Variants in PHACTR1 observed in about 807,000 individuals in gnomAD.
PHACTR1 encodes the protein RPEL repeat containing 1.
Under a neutral mutation model 69.2 loss-of-function variants are expected in PHACTR1, and 16 were observed. That is an observed-to-expected ratio of 0.23 (90% CI 0.16 to 0.35). The LOEUF (loss-of-function observed/expected upper bound fraction) is 0.35, where lower values mean the gene tolerates loss of function less well. Ranked by LOEUF, PHACTR1 falls within the 10% of genes least tolerant of loss-of-function variation. The pLI is 1.00. For synonymous variants in PHACTR1, 312 were observed against 284.5 expected, an observed-to-expected ratio of 1.10 and a Z score of -0.97; for missense variants, 510 against 734.7, an observed-to-expected ratio of 0.69 and a Z score of 3.54.
rs1761809503 is a variant in PHACTR1, at chr6:13,179,127, T to C, written c.497-3392T>C. On this transcript the variant is annotated intron_variant, in intron 6 of 14. Coordinates refer to ENST00000332995, the MANE Select transcript of PHACTR1 (RefSeq NM_030948.6). The surrounding 1 kb of genome is among the most constrained non-coding windows in gnomAD (Gnocchi z 4.2). ...GGTGTGGGCCTGTGGTCCCAGCTAC[T>C]CTGGGGGCTGAGGTGAGAGTATCAC... Among the ~76,000 whole-genome samples, 1 of 151,990 alleles carries C rather than the reference T, an allele frequency of 6.6e-6. No individual in the cohort carries two copies. The highest frequency in any genetic ancestry group is 6.6e-5 in the Admixed American group (1 of 15,246).
chr6:12,737,739 C>T (rs1025976795), intron 3 of PHACTR1, among the ~76,000 whole-genome samples: 5 of 151,844 alleles, frequency 3.3e-5, no homozygotes, highest in East Asian at 1.9e-4. Flanking sequence ...GGACTACAGG[C>T]GTGTGCCACC....
At chr6:13,062,101 C>G (rs545047478) in intron 5 of PHACTR1, among the ~76,000 whole-genome samples, 1 of 152,220 alleles carries the variant, frequency 6.6e-6, no homozygotes, top group African/African-American at 2.4e-5. Flanking sequence ...AGGGCTGGGC[C>G]GGAAATATGT....
chr6:12,743,545 C>T (rs543252559), intron 3 of PHACTR1, among the ~76,000 whole-genome samples: 2 of 152,166 alleles, frequency 1.3e-5, no homozygotes, highest in East Asian at 3.9e-4. Flanking sequence ...CCTAGATAAC[C>T]TGGGGCTGCT....
intron 4 of PHACTR1, among the ~76,000 whole-genome samples, chr6:13,029,378 G>A (rs111474972): frequency 4.6e-5 from 7 of 152,172 alleles, no homozygotes; most frequent in Non-Finnish European, 7.3e-5. Flanking sequence ...AGCATCAGCC[G>A]TGCAGAAGGG....
At chr6:13,076,025 A>ATTTTTTTTTT (rs1449439163) in intron 5 of PHACTR1, among the ~76,000 whole-genome samples, 1 of 115,550 alleles carries the variant, frequency 8.7e-6, no homozygotes. Context: ...GCAAGGGAGC[A>ATTTTTTTTTT]TCTTTTTTTT....
intron 4 of PHACTR1, among the ~76,000 whole-genome samples, chr6:12,954,200 G>A (rs182287561): frequency 6.6e-6 from 1 of 152,094 alleles, no homozygotes; most frequent in African/African-American, 2.4e-5. Flanking sequence ...GTAGACTAGG[G>A]TAAATTCAAA....
rs1433072115 is a variant in PHACTR1 at position 12,797,038 on chromosome 6, T to TGAGA, written c.250+47249_250+47250insAGAG. Among the ~76,000 whole-genome samples the TGAGA allele has an allele frequency of 3.2e-3, 386 of 121,714 alleles. 1 individual carries two copies. The highest frequency in any genetic ancestry group is 9.4e-3 in the African/African-American group (313 of 33,262). 79.8% of individuals were successfully genotyped at this position (121,714 alleles called of 152,430 possible). ...GTGTGTGTGTGTGTGTGTGTGTGTG[T>TGAGA]GTGAGAGAGAGAGAGAGAGGGATAT... On this transcript the variant is annotated intron_variant, in intron 4 of 14. Coordinates refer to ENST00000332995, the MANE Select transcript of PHACTR1 (RefSeq NM_030948.6).
intron 4 of PHACTR1, among the ~76,000 whole-genome samples, chr6:12,965,169 T>C (rs1793283848): frequency 6.6e-6 from 1 of 152,232 alleles, no homozygotes; most frequent in African/African-American, 2.4e-5. Context: ...TGTATTGTGA[T>C]TTTTTATTTT....
chr6:12,730,034 T>C (rs1444214307), intron 3 of PHACTR1, among the ~76,000 whole-genome samples: 1 of 152,118 alleles, frequency 6.6e-6, no homozygotes, highest in Non-Finnish European at 1.5e-5. Flanking sequence ...TAAAGCATAT[T>C]GAGTTTGGAG....
At chr6:12,851,618 C>T (rs754333021) in intron 4 of PHACTR1, among the ~76,000 whole-genome samples, 12 of 152,266 alleles carry the variant, frequency 7.9e-5, no homozygotes, top group East Asian at 3.9e-4. Flanking sequence ...ATTACACAGA[C>T]GTCACATGCT....
At chr6:12,993,907 A>G (rs1797104759) in intron 4 of PHACTR1, among the ~76,000 whole-genome samples, 1 of 152,228 alleles carries the variant, frequency 6.6e-6, no homozygotes, top group African/African-American at 2.4e-5. Context: ...ACTCACAATG[A>G]AAAATCTCCA....
At chr6:12,758,448 A>G (rs1227890984) in intron 4 of PHACTR1, among the ~76,000 whole-genome samples, 4 of 147,430 alleles carry the variant, frequency 2.7e-5, no homozygotes, top group Non-Finnish European at 4.5e-5. Flanking sequence ...CCTGGGTGAA[A>G]GAGCGAGACT....
chr6:12,741,370 T>C (rs1048107219), intron 3 of PHACTR1, among the ~76,000 whole-genome samples: 5 of 152,060 alleles, frequency 3.3e-5, no homozygotes, highest in African/African-American at 1.2e-4. Flanking sequence ...TTTAATAATA[T>C]TTTGTTATTA....
chr6:12,849,084 T>G (rs1189099423), intron 4 of PHACTR1, among the ~76,000 whole-genome samples: 1 of 152,160 alleles, frequency 6.6e-6, no homozygotes, highest in Non-Finnish European at 1.5e-5. Context: ...TCTCTAAAGG[T>G]GACATGGATG....
At chr6:12,910,402 G>C (rs940916432) in intron 4 of PHACTR1, among the ~76,000 whole-genome samples, 1 of 152,150 alleles carries the variant, frequency 6.6e-6, no homozygotes, top group East Asian at 1.9e-4. Context: ...AGGCCAATGA[G>C]AATTGGCAGA....
At chr6:12,754,647 A>C (rs938212367) in intron 4 of PHACTR1, among the ~76,000 whole-genome samples, 3 of 152,212 alleles carry the variant, frequency 2.0e-5, no homozygotes, top group Non-Finnish European at 4.4e-5. Context: ...TAGTGTAATG[A>C]ATATTTGAAA....
chr6:13,081,860 G>A (rs1235064597), intron 5 of PHACTR1, among the ~76,000 whole-genome samples: 2 of 152,132 alleles, frequency 1.3e-5, no homozygotes, highest in Admixed American at 6.6e-5. Context: ...AAAGGGAAGC[G>A]TGGTTTGTCC....
intron 5 of PHACTR1, among the ~76,000 whole-genome samples, chr6:13,130,484 C>T (rs1268191188): frequency 1.3e-5 from 2 of 151,978 alleles, no homozygotes; most frequent in African/African-American, 4.8e-5. Context: ...GATATTACAA[C>T]CAATACCACA....
At chr6:12,765,336 A>G (rs529815200) in intron 4 of PHACTR1, among the ~76,000 whole-genome samples, 1 of 152,338 alleles carries the variant, frequency 6.6e-6, no homozygotes, top group African/African-American at 2.4e-5. Context: ...ATCAACATCC[A>G]TGAGAGAGAT....
Sources: allele counts gnomAD v4.1 joint callset (sites outside exome capture counted in the v4.1 genomes callset), GRCh38; gene constraint gnomAD v4.1.1; non-coding constraint Gnocchi (gnomAD v3.1); transcripts MANE v1.5; gene names NCBI Gene and HGNC (gene_info 2026-07-23, HGNC 2026-07-21).